SOS1: variants seen among roughly 807,000 people sequenced by gnomAD.
SOS1 encodes son of sevenless homolog 1.
SOS1 carries 25 observed loss-of-function variants against 157.6 expected under a neutral mutation model. The observed-to-expected ratio is 0.16, with a 90% CI of 0.12 to 0.22. SOS1 has a LOEUF of 0.22. Among genes scored for constraint, SOS1 ranks in the 10% least tolerant of loss-of-function variants. The pLI, the probability that SOS1 is intolerant of heterozygous loss-of-function variation, is 1.00. For missense variants in SOS1, 1,237 were observed against 1,599.1 expected (o/e 0.77, Z 3.86); for synonymous variants, 528 against 534.0 (o/e 0.99, Z 0.16).
chr2:39,012,524 A>C (rs955845670), intron 13 of SOS1, among the ~76,000 whole-genome samples, 176 bp from the exon 14 acceptor site: 14 of 152,136 alleles, frequency 9.2e-5, no homozygotes, highest in African/African-American at 3.4e-4. Context: ...CCCCAATCCT[A>C]ATCTTATTCT....
intron 1 of SOS1, among the ~76,000 whole-genome samples, chr2:39,087,803 A>G (rs1672432430): frequency 6.6e-6 from 1 of 151,974 alleles, no homozygotes; most frequent in African/African-American, 2.4e-5. Flanking sequence ...CTCGGCCTCT[A>G]GCGTAACTGG....
intron 17 of SOS1, among the ~76,000 whole-genome samples, chr2:39,003,205 T>C (rs538206769): frequency 6.6e-6 from 1 of 151,994 alleles, no homozygotes; most frequent in African/African-American, 2.4e-5. Flanking sequence ...TTAAAGCAAG[T>C]AAGTGAAAAC....
At chr2:39,039,619 TAGCTTG>T (rs1670487755) in intron 6 of SOS1, among the ~76,000 whole-genome samples, 1 of 152,246 alleles carries the variant, frequency 6.6e-6, no homozygotes, top group South Asian at 2.1e-4. Flanking sequence ...CCATTTTTAT[TAGCTTG>T]ACTTTACATT....
At chr2:39,056,501 G>A (rs1485645925) in intron 4 of SOS1, among the ~76,000 whole-genome samples, 1 of 152,104 alleles carries the variant, frequency 6.6e-6, no homozygotes, top group African/African-American at 2.4e-5. Context: ...GAAAAAAACT[G>A]CATGACATAT....
At chr2:39,040,755 G>A (rs903904453) in intron 6 of SOS1, among the ~76,000 whole-genome samples, 1 of 152,184 alleles carries the variant, frequency 6.6e-6, no homozygotes, top group Non-Finnish European at 1.5e-5. Context: ...TGATGGACAT[G>A]TGAGTTGTTC....
chr2:39,024,791 G>A (rs1162968787), intron 8 of SOS1, among the ~76,000 whole-genome samples: 2 of 152,174 alleles, frequency 1.3e-5, no homozygotes, highest in Non-Finnish European at 2.9e-5. Flanking sequence ...CACAATGTAA[G>A]TGTAAATGGT....
At chr2:39,011,861 G>A (rs1408653850) in intron 14 of SOS1, among the ~76,000 whole-genome samples, 1 of 152,128 alleles carries the variant, frequency 6.6e-6, no homozygotes, top group East Asian at 1.9e-4. Flanking sequence ...GGTTAAAGTT[G>A]CCCAGGGCCA....
At chr2:39,043,419 G>C (rs568206118) in intron 6 of SOS1, among the ~76,000 whole-genome samples, 16 of 152,128 alleles carry the variant, frequency 1.1e-4, no homozygotes, top group East Asian at 3.9e-4. Flanking sequence ...ATGTAGTTTT[G>C]ATAATGTATT....
chr2:39,069,775 C>T (rs1421150357), intron 1 of SOS1, among the ~76,000 whole-genome samples: 1 of 152,052 alleles, frequency 6.6e-6, no homozygotes, highest in African/African-American at 2.4e-5. Flanking sequence ...CTCAAACTCC[C>T]GACCTCAGGT....
chr2:39,010,542 T>A lies in SOS1; in HGVS notation c.2510+42A>T, dbSNP rs182941759. 9 of 1,574,500 alleles carry A rather than the reference T, an allele frequency of 5.7e-6. No individual in the cohort carries two copies. In the East Asian group the frequency reaches 2.0e-4, roughly 35 times the overall value. ...AAAAATTGCATTGAAATTCATAACA[T>A]AGCTGACAGCTATAAAATATAAGAA... On this transcript the variant is annotated intron_variant, in intron 15 of 22. Coordinates refer to ENST00000402219, the MANE Select transcript of SOS1 (RefSeq NM_005633.4).
At position 38,987,635 on chromosome 2, in the gene SOS1, A is replaced by C. The variant is rs560873572; in HGVS notation, c.3392-44T>G. ...TTAAGAAAAAGTCCACAGGAATTTTATTTCATTTATTTACCTTGAAAAGTC... is the reference window on the plus strand; with the variant it reads ...TTAAGAAAAAGTCCACAGGAATTTTCTTTCATTTATTTACCTTGAAAAGTC... On this transcript the variant is annotated intron_variant, in intron 21 of 22. Transcript: ENST00000402219. 3 of 902,328 alleles carry C rather than the reference A, an allele frequency of 3.3e-6. No homozygotes were observed. In the African/African-American group the frequency reaches 4.9e-5, roughly 15 times the overall value. The allele number at this position is 902,328 out of a possible 1,614,324, so 55.9% of individuals were successfully genotyped here. A position where few individuals can be genotyped will look rare whatever the true frequency, so the allele number is the denominator to read the frequency against.
At chr2:38,997,469 T>A (rs1394757941) in intron 17 of SOS1, 44 bp from the exon 18 acceptor site, 1 of 1,365,686 alleles carries the variant, frequency 7.3e-7, no homozygotes, top group African/African-American at 1.8e-5. Context: ...AGAAGGAAAA[T>A]GCAAGTTTTT....
chr2:38,992,692 C>T (rs910570990), intron 20 of SOS1: 1 of 152,070 alleles, frequency 6.6e-6, no homozygotes, highest in African/African-American at 2.4e-5. Context: ...TATGTGGTTT[C>T]AATAGTTCAC....
intron 1 of SOS1, among the ~76,000 whole-genome samples, chr2:39,100,618 T>C (rs1051256982): frequency 3.9e-5 from 6 of 151,994 alleles, no homozygotes; most frequent in Admixed American, 1.3e-4. Context: ...GTCTAACATA[T>C]AGAAACAAAA....
intron 22 of SOS1, 78 bp from the exon 23 acceptor site, chr2:38,986,393 T>C: frequency 7.7e-7 from 1 of 1,305,624 alleles, no homozygotes; most frequent in Non-Finnish European, 1.1e-6. Flanking sequence ...TAAGTTGGGG[T>C]TTTCAAACAT....
chr2:39,118,732 G>A (rs12620071), intron 1 of SOS1, among the ~76,000 whole-genome samples: 10,141 of 152,182 alleles, frequency 0.067, 460 homozygotes, highest in East Asian at 0.19. Flanking sequence ...GAAAATTCAG[G>A]TTTTATGTAA....
Position 39,058,699 on chromosome 2 carries a change from C to A in SOS1, c.319G>T (p.Val107Leu), listed in dbSNP as rs1235907251. ...RKRRNPLSLP[V>L]EKIHPLLKEV... ...TTTAATAAAGGATGAATTTTTTCTA[C>A]TGGGAGAGATAAAGGGTTTCTTCGC... The change falls in exon 3 of 23, where the codon GTA (valine) becomes TTA (leucine). Residue 107 changes from valine to leucine, a missense_variant. Physicochemically the swap from Val to Leu is conservative, Grantham distance 32. Transcript: ENST00000402219. 1 of 1,612,782 alleles carries A rather than the reference C, an allele frequency of 6.2e-7. No homozygotes were observed. Among genetic ancestry groups the A allele is most frequent in the Admixed American group, 1.7e-5 (1 of 59,986 alleles).
At chr2:39,060,686 G>C (rs1345813365) in intron 2 of SOS1, among the ~76,000 whole-genome samples, 1 of 152,064 alleles carries the variant, frequency 6.6e-6, no homozygotes, top group African/African-American at 2.4e-5. Context: ...CAGCCTCCCA[G>C]AGTGCTGGGA....
At chr2:38,990,106 G>A (rs975306764) in intron 20 of SOS1, among the ~76,000 whole-genome samples, 7 of 150,646 alleles carry the variant, frequency 4.6e-5, no homozygotes, top group African/African-American at 7.3e-5. Context: ...AACAGATAAC[G>A]TTATAACATC....
Sources: gnomAD v4.1 joint callset for allele counts (sites outside exome capture counted in the v4.1 genomes callset) on GRCh38, gnomAD v4.1.1 for gene constraint, MANE v1.5 for transcripts, NCBI Gene and HGNC (gene_info 2026-07-23, HGNC 2026-07-21) for gene names.